Variants in NEK1 observed in about 807,000 individuals in gnomAD.
NEK1 encodes the protein NIMA related kinase 1, also known as serine/threonine-protein kinase Nek1.
In NEK1, 137 loss-of-function variants were observed where a neutral mutation model predicts 182.1. The ratio of observed to expected loss-of-function variants is 0.75; its 90% CI spans 0.65 to 0.87. NEK1 has a LOEUF of 0.87. Among genes scored for constraint, NEK1 ranks in the 40% least tolerant of loss-of-function variants. NEK1 has a pLI of 0.00. For synonymous variants in NEK1, 513 were observed against 492.2 expected, an observed-to-expected ratio of 1.04 and a Z score of -0.56; for missense variants, 1,391 against 1,494.4, an observed-to-expected ratio of 0.93 and a Z score of 1.14.
intron 5 of NEK1, 127 bp from the exon 6 acceptor site, chr4:169,590,936 G>C (rs1768375758): frequency 1.6e-6 from 1 of 642,324 alleles, no homozygotes; most frequent in Admixed American, 2.8e-5. Flanking sequence ...TAACTTTGTA[G>C]GCACTGACAT....
Position 169,602,096 on chromosome 4 carries a change from A to G in NEK1, c.126T>C (p.Ser42=). The G allele has an allele frequency of 1.2e-6, 2 of 1,610,768 alleles. No individual in the cohort carries two copies. Among genetic ancestry groups the G allele is most frequent in the Non-Finnish European group, 1.7e-6 (2 of 1,177,292 alleles). ...CTCTCCTTGATTCTTCTCTTTCTTT[A>G]CTGGACATCTTAAATGGGAGGAAAA... ...IKEINISRMS[S]KEREESRREV... Residue 42 remains serine, a synonymous_variant, in exon 4 of 36, where the codon AGT becomes AGC. Transcript: ENST00000507142.
chr4:169,595,181 TA>T (rs1769229560), intron 5 of NEK1, among the ~76,000 whole-genome samples: 1 of 152,160 alleles, frequency 6.6e-6, no homozygotes, highest in African/African-American at 2.4e-5. Flanking sequence ...GACTTTTTTG[TA>T]CATAAGCTGA....
chr4:169,409,366 G>A (rs541443239), intron 31 of NEK1, among the ~76,000 whole-genome samples: 15 of 151,900 alleles, frequency 9.9e-5, no homozygotes, highest in Non-Finnish European at 2.1e-4. Context: ...GGATGGTCTC[G>A]ATCTCCTGAC....
At chr4:169,451,123 C>G (rs952777222) in intron 27 of NEK1, among the ~76,000 whole-genome samples, 1 of 152,158 alleles carries the variant, frequency 6.6e-6, no homozygotes, top group Non-Finnish European at 1.5e-5. Flanking sequence ...CAGGAGGACC[C>G]AGATTCATAA....
chr4:169,494,600 T>C (rs1750799322), intron 23 of NEK1, among the ~76,000 whole-genome samples: 1 of 152,214 alleles, frequency 6.6e-6, no homozygotes, highest in South Asian at 2.1e-4. Flanking sequence ...TATAATCCTC[T>C]GGGTACATAC....
chr4:169,532,792 GAA>G (rs11316293), intron 19 of NEK1, among the ~76,000 whole-genome samples: 5 of 149,994 alleles, frequency 3.3e-5, no homozygotes, highest in African/African-American at 1.2e-4. Flanking sequence ...AAAAAAATAT[GAA>G]AAAAAAAATT....
At chr4:169,468,787 T>C (rs770374859) in intron 26 of NEK1, among the ~76,000 whole-genome samples, 1 of 152,202 alleles carries the variant, frequency 6.6e-6, no homozygotes, top group Non-Finnish European at 1.5e-5. Flanking sequence ...ACTGCCTGAA[T>C]TTCAGAACTT....
At chr4:169,466,211 A>T (rs1351323100) in intron 26 of NEK1, among the ~76,000 whole-genome samples, 5 of 152,126 alleles carry the variant, frequency 3.3e-5, no homozygotes, top group Non-Finnish European at 7.4e-5. Flanking sequence ...CTGTCCATTG[A>T]ACTCGTCCAT....
chr4:169,422,511 G>A (rs1735662601), intron 31 of NEK1, among the ~76,000 whole-genome samples: 1 of 152,126 alleles, frequency 6.6e-6, no homozygotes, highest in African/African-American at 2.4e-5. Flanking sequence ...CCCACCAGTA[G>A]TATAACTTAA....
chr4:169,599,007 G>T, intron 5 of NEK1, 93 bp downstream of exon 5: 1 of 872,490 alleles, frequency 1.1e-6, no homozygotes, highest in Non-Finnish European at 1.8e-6. Flanking sequence ...ATTTTGATTA[G>T]CATTTGTAGT....
chr4:169,525,321 G>T (rs946126005), intron 19 of NEK1, among the ~76,000 whole-genome samples: 10 of 151,946 alleles, frequency 6.6e-5, no homozygotes, highest in African/African-American at 2.2e-4. Context: ...TAGAGATGGG[G>T]TTTTATCATG....
chr4:169,450,281 C>A (rs577046507), intron 27 of NEK1, among the ~76,000 whole-genome samples: 2 of 152,228 alleles, frequency 1.3e-5, no homozygotes, highest in East Asian at 3.9e-4. Flanking sequence ...GAGAACTTCC[C>A]CAACCTGGCA....
In NEK1 at chr4:169,406,867, T is replaced by A. The variant is rs560863339; in HGVS notation, c.3223-120A>T. 127 of 562,218 alleles carry A rather than the reference T, an allele frequency of 2.3e-4. 4 individuals are homozygous for A. In the South Asian group the frequency reaches 3.4e-3, roughly 15 times the overall value. The allele number at this position is 562,218 out of a possible 1,614,324, so 34.8% of individuals were successfully genotyped here. On this transcript the variant is annotated intron_variant, in intron 31 of 35. Coordinates refer to ENST00000507142, the MANE Select transcript of NEK1 (RefSeq NM_001199397.3). ...TGTGTAAAATGTAACATATAAAAAG[T>A]TTTTTTATATATGTAACATATATAT... is the stretch of plus-strand genomic sequence containing the variant.
In NEK1 at chr4:169,576,937, T is replaced by G. The variant is rs925864732; in HGVS notation, c.1011A>C (p.Lys337Asn). The G allele has an allele frequency of 6.2e-7, 1 of 1,602,794 alleles. No individual in the cohort carries two copies. Among genetic ancestry groups the G allele is most frequent in the Non-Finnish European group, 8.5e-7 (1 of 1,174,374 alleles). ...KKLHEKKPLQ[K>N]HKQAHQTPEK... is the part of the protein sequence containing the mutation. ...TGTAACATGATCATACCTGTTTATG[T>G]TTTTGCAGTGGTTTCTTTTCGTGTA... The change falls in exon 12 of 36, where the codon AAA becomes AAC. Residue 337 changes from lysine to asparagine, a missense_variant. Lys to Asn is a moderately conservative substitution (Grantham distance 94, BLOSUM62 0). Coordinates refer to ENST00000507142, the MANE Select transcript of NEK1 (RefSeq NM_001199397.3).
chr4:169,490,528 T>C (rs902179283), intron 23 of NEK1, among the ~76,000 whole-genome samples: 8 of 152,062 alleles, frequency 5.3e-5, no homozygotes, highest in Non-Finnish European at 1.2e-4. Context: ...AAAGTAATGA[T>C]CTTACGGAAA....
intron 23 of NEK1, among the ~76,000 whole-genome samples, chr4:169,506,206 A>C (rs1176773455): frequency 6.6e-6 from 1 of 152,166 alleles, no homozygotes; most frequent in Non-Finnish European, 1.5e-5. Flanking sequence ...ATTCTATTAG[A>C]AATTAAAGCA....
intron 23 of NEK1, among the ~76,000 whole-genome samples, chr4:169,489,184 T>C (rs910633881): frequency 6.6e-6 from 1 of 152,198 alleles, no homozygotes; most frequent in Admixed American, 6.5e-5. Flanking sequence ...TGTGTTACTA[T>C]TCACCAGGTA....
chr4:169,571,219 T>TAAAA (rs1331454986), intron 12 of NEK1, among the ~76,000 whole-genome samples: 14 of 142,514 alleles, frequency 9.8e-5, no homozygotes, highest in Non-Finnish European at 2.0e-4. Context: ...AATAAATAAA[T>TAAAA]AAAAAGAATA....
intron 18 of NEK1, chr4:169,554,836 T>A (rs1761941602): frequency 6.6e-6 from 1 of 152,232 alleles, no homozygotes; most frequent in African/African-American, 2.4e-5. Context: ...GATCGATGTT[T>A]GATCATAACA....
Sources: allele counts gnomAD v4.1 joint callset (sites outside exome capture counted in the v4.1 genomes callset), GRCh38; gene constraint gnomAD v4.1.1; transcripts MANE v1.5; gene names NCBI Gene and HGNC (gene_info 2026-07-23, HGNC 2026-07-21).